LRRC7: variants seen among roughly 807,000 people sequenced by gnomAD.
The protein encoded by LRRC7 is leucine rich repeat containing 7.
A neutral mutation model predicts 175.7 loss-of-function variants in LRRC7; 23 were observed. The ratio of observed to expected loss-of-function variants is 0.13; its 90% CI spans 0.09 to 0.19. The LOEUF is 0.19. Among genes scored for constraint, LRRC7 ranks in the 10% least tolerant of loss-of-function variants. LRRC7 has a pLI of 1.00. For synonymous variants in LRRC7, 685 were observed against 680.9 expected, an observed-to-expected ratio of 1.01 and a Z score of -0.09; for missense variants, 1,354 against 1,904.7, an observed-to-expected ratio of 0.71 and a Z score of 5.38.
At chr1:70,066,200 C>T (rs560744838) in intron 23 of LRRC7, among the ~76,000 whole-genome samples, 1 of 152,086 alleles carries the variant, frequency 6.6e-6, no homozygotes, top group African/African-American at 2.4e-5. Flanking sequence ...GCAATACACT[C>T]AGTGTATTGC....
intron 24 of LRRC7, among the ~76,000 whole-genome samples, chr1:70,078,400 ACAT>A (rs1274645388): frequency 6.6e-6 from 1 of 152,124 alleles, no homozygotes; most frequent in East Asian, 1.9e-4. Flanking sequence ...ACCTTCAATG[ACAT>A]CATATTAATA....
At chr1:69,734,124 T>C (rs1375751577) in intron 2 of LRRC7, among the ~76,000 whole-genome samples, 2 of 121,326 alleles carry the variant, frequency 1.6e-5, no homozygotes, top group African/African-American at 5.3e-5. Flanking sequence ...TTTTGTTTTA[T>C]ATTAGTTTGT....
intron 4 of LRRC7, among the ~76,000 whole-genome samples, chr1:69,812,261 T>C (rs1223960400): frequency 1.3e-5 from 2 of 152,122 alleles, no homozygotes; most frequent in East Asian, 3.9e-4. Context: ...CCAACGTAGT[T>C]TAAATCCTAG....
chr1:70,038,811 A>G lies in LRRC7; in HGVS notation c.2987A>G (p.Tyr996Cys), dbSNP rs199625804. Residue 996 changes from tyrosine to cysteine, a missense_variant, in exon 21 of 27, where the codon TAT becomes TGT. Tyr to Cys is a radical substitution (Grantham distance 194). Around this residue, in one of 4 missense-constraint regions of LRRC7, gnomAD observed 1,032 missense variants for 1,227.2 expected, o/e 0.84. Transcript: ENST00000651989. ...QSIDEIDIGT[Y>C]KVYNIPLENY... is the part of the protein sequence containing the mutation. Reference sequence around the variant, plus strand: ...ATCGATGAGATTGACATTGGTACATATAAGGTGTATAACATACCATTAGAA... The same window carrying G: ...ATCGATGAGATTGACATTGGTACATGTAAGGTGTATAACATACCATTAGAA... 3.2e-5 allele frequency: 52 copies of G among 1,614,132 alleles called. No homozygotes were observed. In the Admixed American group the frequency reaches 8.5e-4, roughly 26 times the overall value.
chr1:69,931,082 T>C (rs1005004585), intron 7 of LRRC7, among the ~76,000 whole-genome samples: 3 of 152,180 alleles, frequency 2.0e-5, no homozygotes, highest in African/African-American at 7.2e-5. Flanking sequence ...CAGAAGTTCA[T>C]TTAAAGGAGT....
chr1:70,071,545 T>A (rs1240259067), intron 23 of LRRC7, among the ~76,000 whole-genome samples: 1 of 152,122 alleles, frequency 6.6e-6, no homozygotes, highest in Admixed American at 6.5e-5. Flanking sequence ...AGGACTGGGT[T>A]TTTGTTGTTA....
At chr1:69,742,544 C>T (rs112356513) in intron 2 of LRRC7, among the ~76,000 whole-genome samples, 2 of 151,562 alleles carry the variant, frequency 1.3e-5, no homozygotes, top group Non-Finnish European at 3.0e-5. Flanking sequence ...TTTGTGTGTG[C>T]GTGCACACAG....
chr1:69,700,943 G>T (rs1043731086), intron 2 of LRRC7, among the ~76,000 whole-genome samples: 9 of 152,172 alleles, frequency 5.9e-5, no homozygotes, highest in Non-Finnish European at 1.2e-4. Context: ...GTAGTCCACT[G>T]TAGCTCTGAG....
intron 7 of LRRC7, among the ~76,000 whole-genome samples, chr1:69,857,835 G>T (rs1374428231): frequency 6.6e-6 from 1 of 152,114 alleles, no homozygotes; most frequent in Non-Finnish European, 1.5e-5. Context: ...AAAGCTGGAG[G>T]CATCACGCTA....
intron 8 of LRRC7, among the ~76,000 whole-genome samples, chr1:69,961,206 A>G (rs570315752): frequency 3.9e-5 from 6 of 152,226 alleles, no homozygotes; most frequent in Non-Finnish European, 8.8e-5. Flanking sequence ...GCTGAGAGTC[A>G]AATTACAAAT....
chr1:69,983,055 G>T (rs1167753485), intron 9 of LRRC7, among the ~76,000 whole-genome samples: 2 of 152,120 alleles, frequency 1.3e-5, no homozygotes, highest in African/African-American at 2.4e-5. Flanking sequence ...GAACAAAAAA[G>T]AAACACACAC....
intron 2 of LRRC7, among the ~76,000 whole-genome samples, chr1:69,758,450 A>G (rs1670671582): frequency 6.6e-6 from 1 of 152,056 alleles, no homozygotes; most frequent in Non-Finnish European, 1.5e-5. Flanking sequence ...CTTTAGGCTG[A>G]ACATCTAGCA....
chr1:69,801,328 C>T (rs371780433), intron 4 of LRRC7, among the ~76,000 whole-genome samples: 19 of 151,742 alleles, frequency 1.3e-4, no homozygotes, highest in African/African-American at 4.6e-4. Flanking sequence ...GAATTTGGCT[C>T]TGAATCCATC....
intron 22 of LRRC7, 60 bp from the exon 23 acceptor site, chr1:70,052,966 A>T: frequency 6.8e-7 from 1 of 1,473,162 alleles, no homozygotes; most frequent in Non-Finnish European, 9.0e-7. Context: ...GACTCTTTTC[A>T]GAAAACTATG....
At chr1:69,714,463 G>A (rs1302559158) in intron 2 of LRRC7, among the ~76,000 whole-genome samples, 1 of 151,566 alleles carries the variant, frequency 6.6e-6, no homozygotes, top group Admixed American at 6.6e-5. Flanking sequence ...TGTTATGAGA[G>A]GAAATGAGAA....
chr1:70,028,678 A>C (rs1160414469), intron 18 of LRRC7, among the ~76,000 whole-genome samples: 2 of 152,122 alleles, frequency 1.3e-5, no homozygotes, highest in Non-Finnish European at 2.9e-5. Flanking sequence ...TGGCTACCCC[A>C]AACTTTTGTT....
rs930574008 is a variant in LRRC7 at position 69,981,182 on chromosome 1, A to G, written c.786+729A>G. 2.0e-5 allele frequency among the ~76,000 whole-genome samples: 3 copies of G among 152,220 alleles called. No homozygotes were observed. The South Asian group carries it at 6.2e-4, about 31-fold the overall frequency. Reference sequence around the variant, plus strand: ...AACACAAGTCTCCCTATTGTTTTGTATAACTCCAAACTCCTGGCATTGGTC... The same window carrying G: ...AACACAAGTCTCCCTATTGTTTTGTGTAACTCCAAACTCCTGGCATTGGTC... On this transcript the variant is annotated intron_variant, in intron 9 of 26. Coordinates refer to ENST00000651989, the MANE Select transcript of LRRC7 (RefSeq NM_001370785.2).
At chr1:70,030,749 G>GA (rs1253669944) in intron 18 of LRRC7, among the ~76,000 whole-genome samples, 2 of 152,046 alleles carry the variant, frequency 1.3e-5, no homozygotes, top group African/African-American at 4.8e-5. Context: ...ACCAGAAGTG[G>GA]AAAACGGAAA....
intron 18 of LRRC7, among the ~76,000 whole-genome samples, chr1:70,028,686 G>A (rs12039381): frequency 0.24 from 36,992 of 151,978 alleles, 4,668 homozygotes; most frequent in African/African-American, 0.31. Flanking sequence ...CCAAACTTTT[G>A]TTGTATTAAT....
Sources: allele counts gnomAD v4.1 joint callset (sites outside exome capture counted in the v4.1 genomes callset), GRCh38; gene constraint gnomAD v4.1.1; regional missense constraint gnomAD v4.1.1; transcripts MANE v1.5; gene names NCBI Gene and HGNC (gene_info 2026-07-23, HGNC 2026-07-21).